Variants in HYDIN observed in about 807,000 individuals in gnomAD.
HYDIN encodes the protein axonemal central pair apparatus protein HYDIN.
Under a neutral mutation model 403.9 loss-of-function variants are expected in HYDIN, and 132 were observed. The observed-to-expected ratio is 0.33, with a 90% CI of 0.28 to 0.38. HYDIN has a LOEUF of 0.38. Among genes scored for constraint, HYDIN ranks in the 10% least tolerant of loss-of-function variants. HYDIN has a pLI of 1.00. For synonymous variants in HYDIN, 1,202 were observed against 1,891.7 expected (o/e 0.64, Z 9.46); for missense variants, 2,827 against 5,009.5 (o/e 0.56, Z 13.15).
intron 18 of HYDIN, among the ~76,000 whole-genome samples, chr16:71,053,057 A>G (rs563778098): frequency 7.9e-5 from 12 of 152,270 alleles, no homozygotes; most frequent in Admixed American, 7.2e-4. Flanking sequence ...GATAATAGAT[A>G]ATTGACAGAA....
chr16:71,182,523 C>T (rs2086951620), intron 3 of HYDIN, among the ~76,000 whole-genome samples: 1 of 152,048 alleles, frequency 6.6e-6, no homozygotes, highest in Non-Finnish European at 1.5e-5. Context: ...ATCAGGAATA[C>T]AACTCCAAAG....
chr16:70,872,798 TCATC>T (rs1246300855), intron 64 of HYDIN, among the ~76,000 whole-genome samples: 3 of 141,992 alleles, frequency 2.1e-5, no homozygotes. Context: ...CACCCATCCA[TCATC>T]CATCCATCCA....
Position 70,840,682 on chromosome 16 carries a change from G to C in HYDIN, c.12874-449C>G, listed in dbSNP as rs374098795. 7.9e-4 allele frequency among the ~76,000 whole-genome samples: 120 copies of C among 152,328 alleles called. 1 individual carries two copies. In the South Asian group the frequency reaches 0.024, roughly 31 times the overall value. ...AAGAGGGTGTTCTATCTTGAATAAA[G>C]AGGCAAAGCCTTTCTGGGGAAGTTC... On this transcript the variant is annotated intron_variant, in intron 75 of 85. Coordinates refer to ENST00000393567, the MANE Select transcript of HYDIN (RefSeq NM_001270974.2).
chr16:70,926,375 A>C (rs1361602259), intron 45 of HYDIN, among the ~76,000 whole-genome samples: 3 of 149,818 alleles, frequency 2.0e-5, no homozygotes, highest in Non-Finnish European at 3.0e-5. Flanking sequence ...AAAACCAAAC[A>C]CCGCATGTTC....
At chr16:71,145,754 A>G (rs2085343986) in intron 7 of HYDIN, among the ~76,000 whole-genome samples, 1 of 152,174 alleles carries the variant, frequency 6.6e-6, no homozygotes, top group African/African-American at 2.4e-5. Context: ...AGATGAGACG[A>G]TCTGCTATAG....
intron 9 of HYDIN, among the ~76,000 whole-genome samples, chr16:71,116,120 A>C (rs2084016871): frequency 1.3e-5 from 2 of 152,218 alleles, no homozygotes; most frequent in Admixed American, 1.3e-4. Context: ...AGAACTTATA[A>C]CTACAAGTTT....
At chr16:71,034,121 A>G (rs1357253798) in intron 18 of HYDIN, among the ~76,000 whole-genome samples, 2 of 151,976 alleles carry the variant, frequency 1.3e-5, no homozygotes, top group Non-Finnish European at 2.9e-5. Context: ...GAAGCCCTCC[A>G]AAGTAACGCA....
rs143462732 is a variant in HYDIN at position 71,192,740 on chromosome 16, A to G, written c.-23-5822T>C. The stretch of plus-strand genomic sequence containing the variant: ...GGTTATTGATCTATCTCTCTCCCTC[A>G]CCGGACTCTTAAGTTTTTTGAGGAC... On this transcript the variant is annotated intron_variant, in intron 1 of 85. Coordinates refer to ENST00000393567, the MANE Select transcript of HYDIN (RefSeq NM_001270974.2). Among the ~76,000 whole-genome samples, 452 of 151,946 alleles carry G rather than the reference A, an allele frequency of 3.0e-3. 2 individuals carry two copies. The highest frequency in any genetic ancestry group is 0.01 in the African/African-American group (427 of 41,424).
chr16:71,047,945 T>C (rs1317924402), intron 18 of HYDIN, among the ~76,000 whole-genome samples: 1 of 151,648 alleles, frequency 6.6e-6, no homozygotes, highest in Non-Finnish European at 1.5e-5. Context: ...ATTCCTCTTA[T>C]CTAGTTGTAA....
rs1476774824 is a variant in HYDIN at position 71,157,012 on chromosome 16, G to T, written c.717-4229C>A. On this transcript the variant is annotated intron_variant, in intron 6 of 85. Transcript: ENST00000393567. ...TGTTTTATTTTATTTTATTGTAGAG[G>T]TTTATAGTTGTAGTTTTGCCTTTGT... is the stretch of plus-strand genomic sequence containing the variant. Among the ~76,000 whole-genome samples, 4 of 140,716 alleles carry T rather than the reference G, an allele frequency of 2.8e-5. No homozygotes were observed. The East Asian group carries it at 8.4e-4, about 30-fold the overall frequency. The allele number at this position is 140,716 out of a possible 152,430, so 92.3% of individuals were successfully genotyped here.
intron 52 of HYDIN, among the ~76,000 whole-genome samples, chr16:70,903,012 A>AG (rs2076438786): frequency 7.4e-6 from 1 of 134,746 alleles, no homozygotes; most frequent in African/African-American, 3.0e-5. Context: ...GCTAGAGTGT[A>AG]GTGGCATGAT....
At chr16:70,951,371 T>C (rs2078069545) in intron 41 of HYDIN, among the ~76,000 whole-genome samples, 1 of 152,122 alleles carries the variant, frequency 6.6e-6, no homozygotes, top group South Asian at 2.1e-4. Flanking sequence ...CAACTATTTA[T>C]TCCTTGTCCA....
At chr16:70,894,378 G>T (rs142393616) in intron 55 of HYDIN, 71 bp downstream of exon 55, 10 of 1,602,832 alleles carry the variant, frequency 6.2e-6, no homozygotes, top group Middle Eastern at 1.7e-4. Flanking sequence ...ACCTGAACAC[G>T]ATCTCATATT....
At chr16:71,117,972 C>T (rs1474763794) in intron 9 of HYDIN, among the ~76,000 whole-genome samples, 1 of 151,930 alleles carries the variant, frequency 6.6e-6, no homozygotes, top group Non-Finnish European at 1.5e-5. Context: ...ATACCTCGGG[C>T]CATTGCTCTG....
At chr16:71,093,339 G>A (rs901219798) in intron 11 of HYDIN, among the ~76,000 whole-genome samples, 1 of 152,100 alleles carries the variant, frequency 6.6e-6, no homozygotes, top group Non-Finnish European at 1.5e-5. Flanking sequence ...GTCTCTTCCA[G>A]AAACTGATTG....
chr16:70,944,143 A>G (rs1488142286), intron 41 of HYDIN, among the ~76,000 whole-genome samples, 194 bp from the exon 42 acceptor site: 4 of 152,200 alleles, frequency 2.6e-5, no homozygotes, highest in Non-Finnish European at 5.9e-5. Flanking sequence ...TGGGAATAGC[A>G]TGGAAGGTAC....
At chr16:71,010,968 G>C (rs986840691) in intron 23 of HYDIN, among the ~76,000 whole-genome samples, 11 of 152,174 alleles carry the variant, frequency 7.2e-5, no homozygotes, top group Non-Finnish European at 1.3e-4. Context: ...GCTAAAGCCT[G>C]GCTTTGGCCT....
intron 7 of HYDIN, among the ~76,000 whole-genome samples, chr16:71,148,447 C>T (rs1015612651): frequency 4.6e-5 from 7 of 152,150 alleles, no homozygotes; most frequent in Non-Finnish European, 8.8e-5. Context: ...TTATTATCTG[C>T]AGATGACCTG....
rs924457465 is a variant in HYDIN, at chr16:71,230,656, A to G, written c.-118T>C. 4 of 1,535,918 alleles carry G rather than the reference A, an allele frequency of 2.6e-6. No homozygotes were observed. Among genetic ancestry groups the G allele is most frequent in the South Asian group, 1.2e-5 (1 of 84,060 alleles). ...GACCCCGCCGCCGCTGAGGGGCTCC[A>G]TACCCAGCTTGAAGCCGCCCGCACT... On this transcript the variant is annotated 5_prime_UTR_variant, in exon 1 of 86. An upstream start codon of the reference 5' UTR is lost. Coordinates refer to ENST00000393567, the MANE Select transcript of HYDIN (RefSeq NM_001270974.2).
Sources: gnomAD v4.1 joint callset for allele counts (sites outside exome capture counted in the v4.1 genomes callset) on GRCh38, gnomAD v4.1.1 for gene constraint, MANE v1.5 for transcripts, NCBI Gene and HGNC (gene_info 2026-07-23, HGNC 2026-07-21) for gene names.